Variants in GRIK3 observed in about 807,000 individuals in gnomAD.
GRIK3 encodes glutamate receptor ionotropic, kainate 3.
In GRIK3, 29 loss-of-function variants were observed where a neutral mutation model predicts 102.5. That is an observed-to-expected ratio of 0.28 (90% confidence interval 0.21 to 0.39). The LOEUF (loss-of-function observed/expected upper bound fraction) is 0.39, where lower values mean the gene tolerates loss of function less well. GRIK3 is among the 10% of genes least tolerant of loss of function. GRIK3 has a pLI of 1.00. For missense variants in GRIK3, 908 were observed against 1,252.4 expected, an observed-to-expected ratio of 0.73 and a Z score of 4.15; for synonymous variants, 511 against 504.9, an observed-to-expected ratio of 1.01 and a Z score of -0.16.
intron 10 of GRIK3, among the ~76,000 whole-genome samples, chr1:36,830,180 C>T (rs912230278): frequency 3.3e-5 from 5 of 152,202 alleles, no homozygotes; most frequent in East Asian, 1.9e-4. Context: ...CCAGTATCCC[C>T]GCCAGGTGGT....
intron 10 of GRIK3, among the ~76,000 whole-genome samples, chr1:36,840,112 G>C (rs926500285): frequency 6.6e-6 from 1 of 152,114 alleles, no homozygotes; most frequent in African/African-American, 2.4e-5. Flanking sequence ...AGGCAGGGAG[G>C]CTCCAAATTC....
At chr1:36,951,872 C>T (rs1244515985) in intron 1 of GRIK3, among the ~76,000 whole-genome samples, 1 of 152,076 alleles carries the variant, frequency 6.6e-6, no homozygotes, top group African/African-American at 2.4e-5. Flanking sequence ...GGCGGGAGGA[C>T]CACAGGAGGC....
intron 1 of GRIK3, among the ~76,000 whole-genome samples, chr1:37,033,215 C>T (rs953424216): frequency 6.6e-6 from 1 of 152,204 alleles, no homozygotes; most frequent in Non-Finnish European, 1.5e-5. Flanking sequence ...GCCGGAGCCC[C>T]GGAAAGCCGC....
chr1:37,023,314 G>A (rs1473836723), intron 1 of GRIK3, among the ~76,000 whole-genome samples: 1 of 148,700 alleles, frequency 6.7e-6, no homozygotes, highest in Admixed American at 6.7e-5. Context: ...GCAACAGAGT[G>A]AGACTCTATC....
At chr1:36,847,314 A>G (rs1640530898) in intron 9 of GRIK3, among the ~76,000 whole-genome samples, 1 of 152,238 alleles carries the variant, frequency 6.6e-6, no homozygotes. Flanking sequence ...CACAACTATA[A>G]GAAGCAGCCC....
chr1:36,996,577 G>T (rs940525232), intron 1 of GRIK3, among the ~76,000 whole-genome samples: 8 of 152,218 alleles, frequency 5.3e-5, no homozygotes, highest in Admixed American at 2.6e-4. Context: ...AAGCTGAGAA[G>T]GAGGTGGGAG....
intron 3 of GRIK3, among the ~76,000 whole-genome samples, chr1:36,875,515 C>T (rs116540006): frequency 0.011 from 1,717 of 152,356 alleles, 27 homozygotes; most frequent in African/African-American, 0.037. Context: ...TGGCAGGTAC[C>T]ATGCAGGCAA....
At chr1:36,965,964 A>C (rs192625459) in intron 1 of GRIK3, among the ~76,000 whole-genome samples, 1 of 152,330 alleles carries the variant, frequency 6.6e-6, no homozygotes, top group East Asian at 1.9e-4. Context: ...GAAATGATTA[A>C]TCTGCCCTTC....
chr1:37,002,556 C>T (rs1051700080), intron 1 of GRIK3, among the ~76,000 whole-genome samples: 4 of 152,222 alleles, frequency 2.6e-5, no homozygotes, highest in African/African-American at 9.6e-5. Context: ...ACTCCCTAAA[C>T]TGTGTTTCAT....
chr1:36,982,750 G>T (rs972610144), intron 1 of GRIK3, among the ~76,000 whole-genome samples: 2 of 151,028 alleles, frequency 1.3e-5, no homozygotes, highest in Admixed American at 1.3e-4. Context: ...CTTTAAGCAG[G>T]CAGGAAAGTG....
intron 10 of GRIK3, among the ~76,000 whole-genome samples, chr1:36,829,002 C>A (rs1642784841): frequency 6.6e-6 from 1 of 152,138 alleles, no homozygotes; most frequent in Non-Finnish European, 1.5e-5. Flanking sequence ...GTCAGGAGAC[C>A]AAGGCATCCG....
chr1:36,974,082 A>G (rs1325514978), intron 1 of GRIK3, among the ~76,000 whole-genome samples: 2 of 152,116 alleles, frequency 1.3e-5, no homozygotes, highest in Non-Finnish European at 2.9e-5. Flanking sequence ...CCCATGAAAT[A>G]CTGGGCAGCA....
rs1640689373 is a variant in GRIK3, at chr1:36,859,128, A to G, written c.1084T>C (p.Phe362Leu). The change falls in exon 7 of 16, where the codon TTC becomes CTC. Residue 362 changes from phenylalanine (F) to leucine (L), a missense_variant. Physicochemically the swap from Phe to Leu is conservative, Grantham distance 22 (BLOSUM62 0). Transcript: ENST00000373091. The stretch of plus-strand genomic sequence containing the variant: ...CTCACCTCCTTGATGAAGTTCATGA[A>G]GCGGCCGCCAAAGCGCCAGGCCTTG... The part of the protein sequence containing the change: ...RHKAWRFGGR[F>L]MNFIKEAQWE... The G allele has an allele frequency of 6.2e-7, 1 of 1,611,128 alleles. No individual in the cohort carries two copies. The highest frequency in any genetic ancestry group is 1.3e-5 in the African/African-American group (1 of 74,890).
intron 5 of GRIK3, among the ~76,000 whole-genome samples, chr1:36,863,730 C>T (rs959395805): frequency 3.3e-5 from 5 of 152,194 alleles, no homozygotes; most frequent in South Asian, 2.1e-4. Flanking sequence ...GCGTCAGACG[C>T]GATTCTGCTC....
At chr1:36,900,014 T>G (rs1375156915) in intron 1 of GRIK3, among the ~76,000 whole-genome samples, 1 of 152,188 alleles carries the variant, frequency 6.6e-6, no homozygotes, top group Non-Finnish European at 1.5e-5. Context: ...TCAGTAAGGT[T>G]ATAGTTAAAC....
At chr1:36,875,148 A>G (rs1208385602) in intron 3 of GRIK3, among the ~76,000 whole-genome samples, 1 of 152,266 alleles carries the variant, frequency 6.6e-6, no homozygotes, top group African/African-American at 2.4e-5. Flanking sequence ...CCCAAGGACC[A>G]CAGAGGTTAA....
At chr1:36,861,141 T>C (rs1557705831) in intron 5 of GRIK3, among the ~76,000 whole-genome samples, 1 of 152,198 alleles carries the variant, frequency 6.6e-6, no homozygotes, top group Non-Finnish European at 1.5e-5. Context: ...ACCCAATTCC[T>C]CAAATGCTCC....
Position 36,825,802 on chromosome 1 carries a change from G to T in GRIK3, c.1555C>A (p.Leu519Met), listed in dbSNP as rs1045499175. ...DHKADLAVAP[L>M]TITHVREKAI... is the part of the protein sequence containing the mutation. ...TTCTCTCGAACATGGGTGATGGTCA[G>T]GGGGGCCACGGCCAGATCTGCCTTC... Residue 519 changes from leucine to methionine, a missense_variant, in exon 11 of 16, where the codon CTG becomes ATG. Around this residue, in one of 3 missense-constraint regions of GRIK3, gnomAD observed 585 missense variants for 824.9 expected, o/e 0.71. Transcript: ENST00000373091. 11 of 1,611,060 alleles carry T rather than the reference G, an allele frequency of 6.8e-6. No homozygotes were observed. Among genetic ancestry groups the T allele is most frequent in the Admixed American group, 5.0e-5 (3 of 59,700 alleles).
intron 1 of GRIK3, among the ~76,000 whole-genome samples, chr1:36,966,314 C>T (rs564501798): frequency 7.9e-5 from 12 of 152,286 alleles, no homozygotes; most frequent in South Asian, 6.2e-4. Flanking sequence ...AAGTGTCAGA[C>T]GGAAAGGTCA....
Sources: allele counts gnomAD v4.1 joint callset (sites outside exome capture counted in the v4.1 genomes callset), GRCh38; gene constraint gnomAD v4.1.1; regional missense constraint gnomAD v4.1.1; transcripts MANE v1.5; gene names NCBI Gene and HGNC (gene_info 2026-07-23, HGNC 2026-07-21).